Variants in PRKCQ observed in about 807,000 individuals in gnomAD.
The protein encoded by PRKCQ is protein kinase C theta type.
In PRKCQ, 41 loss-of-function variants were observed where a neutral mutation model predicts 91.2. That is an observed-to-expected ratio of 0.45 (90% CI 0.35 to 0.58). The LOEUF (loss-of-function observed/expected upper bound fraction) is 0.58, where lower values mean the gene tolerates loss of function less well. Ranked by LOEUF, PRKCQ falls within the 20% of genes least tolerant of loss-of-function variation. The pLI is 0.00. For missense variants in PRKCQ, 673 were observed against 896.5 expected (o/e 0.75, Z 3.18); for synonymous variants, 307 against 316.9 (o/e 0.97, Z 0.33).
chr10:6,464,001 C>T (rs374890802), intron 13 of PRKCQ, among the ~76,000 whole-genome samples: 27 of 152,236 alleles, frequency 1.8e-4, no homozygotes, highest in African/African-American at 6.5e-4. Context: ...CCCTTGAGGT[C>T]TGCAGTCCAT....
At position 6,576,674 on chromosome 10, in the gene PRKCQ, C is replaced by T. The variant is rs542358315; in HGVS notation, c.-10+3537G>A. ...ATATACTTAATGTCACTGAACTGTA[C>T]GCTAGAAAATAGTTAAGAAGTTAAA... On this transcript the variant is annotated intron_variant, in intron 1 of 17. Transcript: ENST00000263125. The surrounding 1 kb of genome is among the most constrained non-coding windows in gnomAD (Gnocchi z 4.2). Among the ~76,000 whole-genome samples, 40 of 152,250 alleles carry T rather than the reference C, an allele frequency of 2.6e-4. No individual in the cohort carries two copies. The highest frequency in any genetic ancestry group is 4.6e-4 in the African/African-American group (19 of 41,534).
the PRKCQ span, among the ~76,000 whole-genome samples, chr10:6,403,770 T>C: frequency 2.0e-5 from 3 of 152,196 alleles, no homozygotes; most frequent in Non-Finnish European, 4.4e-5. Context: ...AACTGAATTT[T>C]GTATTCCCAG....
intron 1 of PRKCQ, among the ~76,000 whole-genome samples, chr10:6,571,486 T>C (rs1323878794): frequency 6.6e-6 from 1 of 152,178 alleles, no homozygotes; most frequent in East Asian, 1.9e-4. Context: ...AGGGACATGG[T>C]TGTTATTACA....
rs555906834 is a variant in PRKCQ at position 6,430,800 on chromosome 10, G to C, written c.1965+10C>G. On this transcript the variant is annotated intron_variant, in intron 17 of 17. Coordinates refer to ENST00000263125, the MANE Select transcript of PRKCQ (RefSeq NM_006257.5). This position sits in a 1 kb window ranked among gnomAD's most constrained non-coding sequence, Gnocchi z 4.7. ...GGCTGACACCAAGCGGCCCATGAGC[G>C]AGTCCTTACCACTTTCGGCCGGAAC... The C allele has an allele frequency of 6.2e-7, 1 of 1,613,208 alleles. No individual in the cohort carries two copies. Among genetic ancestry groups the C allele is most frequent in the South Asian group, 1.1e-5 (1 of 90,976 alleles).
At chr10:6,510,376 C>T (rs968721389) in intron 3 of PRKCQ, among the ~76,000 whole-genome samples, 2 of 152,026 alleles carry the variant, frequency 1.3e-5, no homozygotes, top group South Asian at 2.1e-4. Flanking sequence ...AAGTTCATTA[C>T]AGCTGAAAAA....
intron 1 of PRKCQ, among the ~76,000 whole-genome samples, chr10:6,577,368 G>C (rs1323365467): frequency 6.6e-6 from 1 of 152,124 alleles, no homozygotes; most frequent in Non-Finnish European, 1.5e-5. Context: ...TTTTTCTATA[G>C]TTTCTCATGA....
At position 6,498,445 on chromosome 10, in the gene PRKCQ, T is replaced by C. The variant is rs1837734652; in HGVS notation, c.493A>G (p.Thr165Ala). Reference protein sequence around the residue: ...HHVKCHEFTATFFPQPTFCSV... With the variant: ...HHVKCHEFTAAFFPQPTFCSV... ...CAAAATGTGGGCTGTGGGAAGAAGG[T>C]GGCAGTGAACTCGTGGCACTTGACG... is the stretch of plus-strand genomic sequence containing the variant. Residue 165 changes from threonine (T) to alanine (A), a missense_variant, in exon 5 of 18, where the codon ACC (threonine) becomes GCC (alanine). Physicochemically the swap from Thr to Ala is moderately conservative, Grantham distance 58. Transcript: ENST00000263125. The C allele has an allele frequency of 1.2e-6, 2 of 1,614,148 alleles. No homozygotes were observed. Among genetic ancestry groups the C allele is most frequent in the Non-Finnish European group, 1.7e-6 (2 of 1,180,028 alleles).
In PRKCQ at chr10:6,497,051, T is replaced by C. The variant is rs766480416; in HGVS notation, c.644A>G (p.Asn215Ser). ...AATACTCACCATGGTTTCTCGGCTA[T>C]TGATAGCTGATCCTGTGCACTTTGC... is the stretch of plus-strand genomic sequence containing the variant. ...VIAKCTGSAI[N>S]SRETMFHKER... The change falls in exon 7 of 18, where the codon AAT (asparagine) becomes AGT (serine). Residue 215 changes from asparagine to serine, a missense_variant. Physicochemically the swap from Asn to Ser is conservative, Grantham distance 46. Coordinates refer to ENST00000263125, the MANE Select transcript of PRKCQ (RefSeq NM_006257.5). The surrounding 1 kb of genome is among the most constrained non-coding windows in gnomAD (Gnocchi z 4.5). 1 of 1,612,956 alleles carries C rather than the reference T, an allele frequency of 6.2e-7. No individual in the cohort carries two copies. Among genetic ancestry groups the C allele is most frequent in the Admixed American group, 1.7e-5 (1 of 60,020 alleles).
In PRKCQ at chr10:6,577,711, G is replaced by T. The variant is rs113691664; in HGVS notation, c.-10+2500C>A. 2.5e-3 allele frequency among the ~76,000 whole-genome samples: 374 copies of T among 152,190 alleles called. 2 individuals are homozygous for T. The highest frequency in any genetic ancestry group is 8.3e-3 in the South Asian group (40 of 4,820). ...CAAATATAACCTTGTTAACAAACCA[G>T]CACATTAGCAACATTTTTAGGGGCA... On this transcript the variant is annotated intron_variant, in intron 1 of 17. Coordinates refer to ENST00000263125, the MANE Select transcript of PRKCQ (RefSeq NM_006257.5).
At chr10:6,471,831 C>A in intron 12 of PRKCQ, among the ~76,000 whole-genome samples, 1 of 152,190 alleles carries the variant, frequency 6.6e-6, no homozygotes, top group Non-Finnish European at 1.5e-5. Flanking sequence ...AAGGCATGCA[C>A]TTTCCTGAGG....
chr10:6,539,722 T>A (rs964022476), intron 1 of PRKCQ, among the ~76,000 whole-genome samples: 3 of 152,204 alleles, frequency 2.0e-5, no homozygotes, highest in East Asian at 1.9e-4. Context: ...ACAAAACTGG[T>A]CCCTGGTGCC....
the PRKCQ span, among the ~76,000 whole-genome samples, chr10:6,410,768 A>G: frequency 2.0e-5 from 3 of 152,074 alleles, no homozygotes; most frequent in African/African-American, 7.2e-5. Flanking sequence ...GGATCACCTG[A>G]GGTTAGGAGT....
chr10:6,395,239 A>G, the PRKCQ span, among the ~76,000 whole-genome samples: 3 of 151,444 alleles, frequency 2.0e-5, no homozygotes, highest in East Asian at 1.9e-4. Context: ...AATTTTTTGT[A>G]CTTTTAGTAG....
intron 4 of PRKCQ, among the ~76,000 whole-genome samples, chr10:6,500,439 CTACA>C (rs916530002): frequency 2.3e-4 from 35 of 150,644 alleles, no homozygotes; most frequent in African/African-American, 8.0e-4. Flanking sequence ...ACATATATGT[CTACA>C]TATAGTTTAT....
intron 2 of PRKCQ, chr10:6,512,103 A>C (rs1482119029): frequency 2.0e-5 from 3 of 152,272 alleles, no homozygotes; most frequent in Non-Finnish European, 4.4e-5. Flanking sequence ...TCTGAAAGAC[A>C]TAGTGGCGTA....
Position 6,485,214 on chromosome 10 carries a change from C to T in PRKCQ, c.956G>A (p.Gly319Asp), listed in dbSNP as rs765321541. 6 of 1,614,010 alleles carry T rather than the reference C, an allele frequency of 3.7e-6. No homozygotes were observed. The Admixed American group carries it at 1.0e-4, about 27-fold the overall frequency. ...QIFREGPVEI[G>D]LPCSIKNEAR... ...TTCATTTTTGATGGAGCATGGGAGACCAATTTCAACCGGACCTTCTCTGAA... is the reference window on the plus strand; with the variant it reads ...TTCATTTTTGATGGAGCATGGGAGATCAATTTCAACCGGACCTTCTCTGAA... Residue 319 changes from glycine to aspartate, a missense_variant, in exon 10 of 18, where the codon GGT becomes GAT. By Grantham distance (94) the Gly-to-Asp change is moderately conservative. Coordinates refer to ENST00000263125, the MANE Select transcript of PRKCQ (RefSeq NM_006257.5).
At chr10:6,535,801 C>G (rs1048532272) in intron 1 of PRKCQ, among the ~76,000 whole-genome samples, 3 of 152,190 alleles carry the variant, frequency 2.0e-5, no homozygotes, top group Admixed American at 6.5e-5. Flanking sequence ...CAGTCCCCTG[C>G]TCTTCCCAAA....
chr10:6,574,536 T>A (rs1841156473), intron 1 of PRKCQ, among the ~76,000 whole-genome samples: 1 of 152,194 alleles, frequency 6.6e-6, no homozygotes, highest in Non-Finnish European at 1.5e-5. Flanking sequence ...AGGTCCTATG[T>A]GATCTGGCAC....
intron 1 of PRKCQ, among the ~76,000 whole-genome samples, chr10:6,528,316 C>T (rs1247339863): frequency 1.3e-5 from 2 of 152,080 alleles, no homozygotes; most frequent in African/African-American, 4.8e-5. Context: ...CACCCATCTC[C>T]ACCCTCCTCT....
Sources: allele counts gnomAD v4.1 joint callset (sites outside exome capture counted in the v4.1 genomes callset), GRCh38; gene constraint gnomAD v4.1.1; non-coding constraint Gnocchi (gnomAD v3.1); transcripts MANE v1.5; gene names NCBI Gene and HGNC (gene_info 2026-07-23, HGNC 2026-07-21).